The following KCNMA1 variants were observed in gnomAD, a reference collection of about 807,000 sequenced individuals.
KCNMA1 encodes Calcium-activated potassium channel subunit alpha-1.
A neutral mutation model predicts 140.0 loss-of-function variants in KCNMA1; 29 were observed. That is an observed-to-expected ratio of 0.21 (90% confidence interval 0.15 to 0.28). The LOEUF (loss-of-function observed/expected upper bound fraction) is 0.28. Ranked by LOEUF, KCNMA1 falls within the 10% of genes least tolerant of loss-of-function variation. KCNMA1 has a pLI of 1.00. For missense variants in KCNMA1, 880 were observed against 1,602.2 expected, an observed-to-expected ratio of 0.55 and a Z score of 7.70; for synonymous variants, 612 against 611.9, an observed-to-expected ratio of 1.00 and a Z score of 0.00.
chr10:77,535,008 A>G (rs1417979914), intron 1 of KCNMA1, among the ~76,000 whole-genome samples: 1 of 152,184 alleles, frequency 6.6e-6, no homozygotes, highest in Non-Finnish European at 1.5e-5. Flanking sequence ...CTATATCTAC[A>G]ACCACACCTA....
At chr10:77,512,980 T>C (rs910611481) in intron 1 of KCNMA1, among the ~76,000 whole-genome samples, 3 of 152,156 alleles carry the variant, frequency 2.0e-5, no homozygotes, top group Non-Finnish European at 4.4e-5. Flanking sequence ...AAGAGTGAAC[T>C]TCACCAGTGT....
chr10:77,042,400 A>G (rs1048846410), intron 14 of KCNMA1, among the ~76,000 whole-genome samples: 2 of 152,228 alleles, frequency 1.3e-5, no homozygotes, highest in Non-Finnish European at 2.9e-5. Flanking sequence ...GGAATATAGA[A>G]TATTTGGGAA....
At chr10:77,001,993 G>A (rs1439866823) in intron 18 of KCNMA1, among the ~76,000 whole-genome samples, 1 of 152,122 alleles carries the variant, frequency 6.6e-6, no homozygotes, top group Non-Finnish European at 1.5e-5. Flanking sequence ...GAAATTAGCT[G>A]CTTATTTGGT....
At chr10:77,048,594 T>C (rs1462440117) in intron 14 of KCNMA1, among the ~76,000 whole-genome samples, 1 of 152,242 alleles carries the variant, frequency 6.6e-6, no homozygotes, top group Non-Finnish European at 1.5e-5. Flanking sequence ...GCGTGGTACA[T>C]AGTCATAGCT....
chr10:77,017,701 T>C (rs2092316337), intron 17 of KCNMA1, among the ~76,000 whole-genome samples: 2 of 152,222 alleles, frequency 1.3e-5, no homozygotes, highest in African/African-American at 4.8e-5. Context: ...GTCATCGTTC[T>C]GTGCTCAGCG....
intron 1 of KCNMA1, among the ~76,000 whole-genome samples, chr10:77,583,917 T>C (rs1603637636): frequency 1.3e-5 from 2 of 152,324 alleles, no homozygotes; most frequent in South Asian, 2.1e-4. Flanking sequence ...GGTATAACCA[T>C]ATGTAGATAA....
intron 21 of KCNMA1, chr10:76,952,276 T>C: frequency 8.6e-7 from 1 of 1,169,562 alleles, no homozygotes; most frequent in South Asian, 1.7e-5. Flanking sequence ...ATCCCAGCAC[T>C]TTGGGAGGCC....
intron 1 of KCNMA1, among the ~76,000 whole-genome samples, chr10:77,447,556 T>G (rs879829123): frequency 6.6e-6 from 1 of 152,212 alleles, no homozygotes; most frequent in East Asian, 1.9e-4. Context: ...CAGCTGCTGA[T>G]CAGGTAGACC....
At chr10:77,029,216 A>G (rs2093732600) in intron 15 of KCNMA1, among the ~76,000 whole-genome samples, 1 of 152,260 alleles carries the variant, frequency 6.6e-6, no homozygotes, top group African/African-American at 2.4e-5. Context: ...AGTGTCTACA[A>G]TTAGCATTAC....
At chr10:77,197,660 T>A (rs1332084170) in intron 3 of KCNMA1, among the ~76,000 whole-genome samples, 1 of 152,136 alleles carries the variant, frequency 6.6e-6, no homozygotes, top group Non-Finnish European at 1.5e-5. Context: ...TTCAGGGCCA[T>A]CGGGGAAAGC....
At chr10:77,126,947 G>A (rs916839716) in intron 5 of KCNMA1, among the ~76,000 whole-genome samples, 1 of 151,812 alleles carries the variant, frequency 6.6e-6, no homozygotes, top group Admixed American at 6.6e-5. Context: ...AGTCCATGTG[G>A]GCATACTGGA....
intron 23 of KCNMA1, among the ~76,000 whole-genome samples, chr10:76,927,326 AC>A (rs751082543): frequency 3.3e-5 from 5 of 152,180 alleles, no homozygotes; most frequent in African/African-American, 4.8e-5. Flanking sequence ...CATTTATTAA[AC>A]AAACACTATG....
intron 5 of KCNMA1, among the ~76,000 whole-genome samples, chr10:77,168,749 G>T (rs894271707): frequency 1.3e-5 from 2 of 152,062 alleles, no homozygotes; most frequent in African/African-American, 4.8e-5. Flanking sequence ...TTCATGTTCA[G>T]GTCATCAAAA....
At position 77,480,874 on chromosome 10, in the gene KCNMA1, C is replaced by T. The variant is rs76520824; in HGVS notation, c.379-76851G>A. On this transcript the variant is annotated intron_variant, in intron 1 of 27. Coordinates refer to ENST00000286628, the MANE Select transcript of KCNMA1 (RefSeq NM_001161352.2). ...CCTGTAATCCCAGCACTTTGGGAGGCGGAGGTGGGCAGATCACCTGAGGTC... is the reference window on the plus strand; with the variant it reads ...CCTGTAATCCCAGCACTTTGGGAGGTGGAGGTGGGCAGATCACCTGAGGTC... 7.2e-3 allele frequency among the ~76,000 whole-genome samples: 1,083 copies of T among 151,184 alleles called. 11 individuals are homozygous for T. Among genetic ancestry groups the T allele is most frequent in the East Asian group, 0.045 (229 of 5,098 alleles).
intron 1 of KCNMA1, among the ~76,000 whole-genome samples, chr10:77,524,977 C>T (rs953567194): frequency 1.4e-4 from 21 of 152,224 alleles, no homozygotes; most frequent in Admixed American, 1.4e-3. Flanking sequence ...CTGTCACTGC[C>T]TGACCCCCTA....
downstream of KCNMA1, chr10:76,884,110 G>T: frequency 2.6e-6 from 1 of 385,694 alleles, no homozygotes; most frequent in Non-Finnish European, 3.5e-6. Flanking sequence ...CTAACAGACT[G>T]TATATAAAAC....
chr10:77,329,607 A>G (rs536218317), intron 2 of KCNMA1, among the ~76,000 whole-genome samples: 3 of 152,340 alleles, frequency 2.0e-5, no homozygotes, highest in Admixed American at 6.5e-5. Context: ...CAGCAGCTCA[A>G]ATGAACTAAA....
intron 2 of KCNMA1, among the ~76,000 whole-genome samples, chr10:77,389,252 CCT>C (rs1330926100): frequency 2.0e-5 from 3 of 152,306 alleles, no homozygotes; most frequent in South Asian, 2.1e-4. Context: ...CTGCCACCCC[CCT>C]GAGTCTGCTA....
rs145756548 is a variant in KCNMA1, at chr10:77,132,058, C to T, written c.809-11010G>A. 2.3e-3 allele frequency among the ~76,000 whole-genome samples: 354 copies of T among 151,440 alleles called. 2 individuals are homozygous for T. Among genetic ancestry groups the T allele is most frequent in the African/African-American group, 8.2e-3 (337 of 41,298 alleles). On this transcript the variant is annotated intron_variant, in intron 5 of 27. Coordinates refer to ENST00000286628, the MANE Select transcript of KCNMA1 (RefSeq NM_001161352.2). ...AGGCAACTTTCCTTCAAGAAATGCA[C>T]ATATTACACTTCAGGCCAACTGACC...
Sources: allele counts gnomAD v4.1 joint callset (sites outside exome capture counted in the v4.1 genomes callset), GRCh38; gene constraint gnomAD v4.1.1; transcripts MANE v1.5; gene names NCBI Gene and HGNC (gene_info 2026-07-23, HGNC 2026-07-21).